The following KDM2B variants were observed in gnomAD, a reference collection of about 807,000 sequenced individuals.
KDM2B encodes lysine demethylase 2B, also known as lysine-specific demethylase 2B.
A neutral mutation model predicts 150.0 loss-of-function variants in KDM2B; 26 were observed. The observed-to-expected ratio is 0.17, with a 90% confidence interval of 0.13 to 0.24. KDM2B has a LOEUF of 0.24. Among genes scored for constraint, KDM2B ranks in the 10% least tolerant of loss-of-function variants. The pLI, the probability that KDM2B is intolerant of heterozygous loss-of-function variation, is 1.00. For synonymous variants in KDM2B, 734 were observed against 729.5 expected, an observed-to-expected ratio of 1.01 and a Z score of -0.10; for missense variants, 1,265 against 1,816.9, an observed-to-expected ratio of 0.70 and a Z score of 5.52.
chr12:121,423,607 C>T, the KDM2B span: 2 of 1,581,100 alleles, frequency 1.3e-6, no homozygotes, highest in Non-Finnish European at 8.7e-7. This position sits in a 1 kb window ranked among gnomAD's most constrained non-coding sequence, Gnocchi z 4.3. Context: ...ACAGTCACCC[C>T]CAAACTTGAC....
intron 4 of KDM2B, among the ~76,000 whole-genome samples, chr12:121,570,106 A>C (rs1555315693): frequency 1.3e-5 from 2 of 151,872 alleles, no homozygotes. Context: ...GCTGGAGTGC[A>C]ATGGCCAATC....
At chr12:121,450,691 C>G (rs1877102294) in intron 13 of KDM2B, among the ~76,000 whole-genome samples, 4 of 152,092 alleles carry the variant, frequency 2.6e-5, no homozygotes, top group African/African-American at 9.7e-5. Context: ...AACCCCGTCT[C>G]TACTAAAAAT....
chr12:121,550,783 C>T (rs556472563), intron 4 of KDM2B, among the ~76,000 whole-genome samples: 3 of 152,230 alleles, frequency 2.0e-5, no homozygotes, highest in African/African-American at 2.4e-5. Context: ...CATGAGCCAC[C>T]GCAACTGGCC....
chr12:121,433,165 T>C (rs1555285927), intron 22 of KDM2B: 1 of 456,622 alleles, frequency 2.2e-6, no homozygotes. Flanking sequence ...GTGGTTCACA[T>C]ATTCCCCAAA....
intron 22 of KDM2B, 146 bp downstream of exon 22, chr12:121,439,711 C>A: frequency 1.5e-6 from 1 of 663,806 alleles, no homozygotes; most frequent in Non-Finnish European, 2.7e-6. Flanking sequence ...GTGTTTCCCC[C>A]CTGGACTGGG....
At chr12:121,552,803 G>C (rs1350047650) in intron 4 of KDM2B, among the ~76,000 whole-genome samples, 2 of 152,160 alleles carry the variant, frequency 1.3e-5, no homozygotes, top group African/African-American at 4.8e-5. Flanking sequence ...ATCCACCAGG[G>C]GGCATCCCCG....
intron 4 of KDM2B, among the ~76,000 whole-genome samples, chr12:121,568,939 TAGAGA>T (rs1566429659): frequency 6.6e-6 from 1 of 150,780 alleles, no homozygotes; most frequent in Non-Finnish European, 1.5e-5. Context: ...TTTAGGACAT[TAGAGA>T]AGAGTCTGCA....
intron 12 of KDM2B, among the ~76,000 whole-genome samples, chr12:121,490,167 G>C (rs1555299660): frequency 6.6e-6 from 1 of 152,190 alleles, no homozygotes; most frequent in Non-Finnish European, 1.5e-5. Context: ...AAAGGGGAGA[G>C]AGACAAAGCA....
intron 8 of KDM2B, among the ~76,000 whole-genome samples, chr12:121,524,044 G>A (rs1380903405): frequency 6.6e-6 from 1 of 151,984 alleles, no homozygotes; most frequent in African/African-American, 2.4e-5. Flanking sequence ...TGTTATTGTC[G>A]CCATCCCCGT....
intron 8 of KDM2B, among the ~76,000 whole-genome samples, chr12:121,524,991 T>C (rs1887007373): frequency 1.3e-5 from 2 of 152,198 alleles, no homozygotes; most frequent in Non-Finnish European, 2.9e-5. Flanking sequence ...CACCCACATC[T>C]GCCTCCACCT....
In KDM2B at chr12:121,525,122, G is replaced by A. The variant is rs117857142; in HGVS notation, c.932-4022C>T. 1.8e-3 allele frequency among the ~76,000 whole-genome samples: 273 copies of A among 152,252 alleles called. 4 individuals are homozygous for A. The East Asian group carries it at 0.029, about 16-fold the overall frequency. ...CCGACATCAGTGAACTCCCTGCGCC[G>A]GGCCAGGATCAGGAACGAACCTGTG... On this transcript the variant is annotated intron_variant, in intron 8 of 22. Transcript: ENST00000377071.
intron 2 of KDM2B, among the ~76,000 whole-genome samples, chr12:121,577,388 G>A (rs1891569659): frequency 6.6e-6 from 1 of 152,156 alleles, no homozygotes. Context: ...GGGGAAGAAA[G>A]GAGAGGAATT....
intron 4 of KDM2B, among the ~76,000 whole-genome samples, chr12:121,556,741 A>G (rs1333617750): frequency 2.0e-5 from 3 of 151,820 alleles, no homozygotes; most frequent in African/African-American, 7.3e-5. Context: ...AACCCCAGCT[A>G]CTCAGGAGGC....
chr12:121,500,425 G>T (rs1303443614), intron 11 of KDM2B, among the ~76,000 whole-genome samples: 1 of 152,246 alleles, frequency 6.6e-6, no homozygotes, highest in African/African-American at 2.4e-5. Flanking sequence ...GATAACCACA[G>T]ACAAGGGATG....
In KDM2B at chr12:121,453,045, G is replaced by A. The variant is rs1877576034; in HGVS notation, c.1959+75C>T. On this transcript the variant is annotated intron_variant, in intron 13 of 22. Coordinates refer to ENST00000377071, the MANE Select transcript of KDM2B (RefSeq NM_032590.5). This position sits in a 1 kb window ranked among gnomAD's most constrained non-coding sequence, Gnocchi z 6.4. Reference sequence around the variant, plus strand: ...CTGTGTGCGGAGGGGCGGCCAGAGCGAGCAGCGGTCAGACACGCGGGCCGG... The same window carrying A: ...CTGTGTGCGGAGGGGCGGCCAGAGCAAGCAGCGGTCAGACACGCGGGCCGG... The A allele has an allele frequency of 1.5e-6, 2 of 1,295,944 alleles. No individual in the cohort carries two copies. The highest frequency in any genetic ancestry group is 1.5e-5 in the African/African-American group (1 of 67,700). 80.3% of individuals were successfully genotyped at this position (1,295,944 alleles called of 1,614,324 possible). A position where few individuals can be genotyped will look rare whatever the true frequency, so the allele number is the denominator to read the frequency against.
chr12:121,558,513 G>C (rs1353225048), intron 4 of KDM2B, among the ~76,000 whole-genome samples: 1 of 151,178 alleles, frequency 6.6e-6, no homozygotes, highest in Non-Finnish European at 1.5e-5. Context: ...GAGTACAGTG[G>C]TGCGATCTCG....
Position 121,468,379 on chromosome 12 carries a change from G to A in KDM2B, c.1735-15035C>T, listed in dbSNP as rs1365091381. The stretch of plus-strand genomic sequence containing the variant: ...CCTCTCTGAAAGAGCTCATGACCAT[G>A]AGCTAGAACGACCAAAGCTGTTATA... On this transcript the variant is annotated intron_variant, in intron 12 of 22. Coordinates refer to ENST00000377071, the MANE Select transcript of KDM2B (RefSeq NM_032590.5). This position sits in a 1 kb window ranked among gnomAD's most constrained non-coding sequence, Gnocchi z 4.0. 2 of 152,178 alleles carry A rather than the reference G, an allele frequency of 1.3e-5. No homozygotes were observed. Among genetic ancestry groups the A allele is most frequent in the African/African-American group, 4.8e-5 (2 of 41,448 alleles). The allele number at this position is 152,178 out of a possible 1,614,324, so 9.4% of individuals were successfully genotyped here.
In KDM2B at chr12:121,518,386, G is replaced by C. The variant is rs1886407438; in HGVS notation, c.1047+2599C>G. Among the ~76,000 whole-genome samples the C allele has an allele frequency of 1.3e-5, 2 of 151,826 alleles. No homozygotes were observed. The highest frequency in any genetic ancestry group is 2.9e-5 in the Non-Finnish European group (2 of 68,020). Reference sequence around the variant, plus strand: ...CCTCGTAGCCAAGTCCCTCTCTCAAGACCAGAAATCAAGGCAGATTAAACA... The same window carrying C: ...CCTCGTAGCCAAGTCCCTCTCTCAACACCAGAAATCAAGGCAGATTAAACA... On this transcript the variant is annotated intron_variant, in intron 9 of 22. Coordinates refer to ENST00000377071, the MANE Select transcript of KDM2B (RefSeq NM_032590.5). This position sits in a 1 kb window ranked among gnomAD's most constrained non-coding sequence, Gnocchi z 4.4.
chr12:121,529,470 A>G (rs1212933432), intron 8 of KDM2B, among the ~76,000 whole-genome samples: 2 of 152,114 alleles, frequency 1.3e-5, no homozygotes, highest in Non-Finnish European at 2.9e-5. Context: ...CTCTGCTTCA[A>G]TACAGAAAAA....
Sources: allele counts gnomAD v4.1 joint callset (sites outside exome capture counted in the v4.1 genomes callset), GRCh38; gene constraint gnomAD v4.1.1; non-coding constraint Gnocchi (gnomAD v3.1); transcripts MANE v1.5; gene names NCBI Gene and HGNC (gene_info 2026-07-23, HGNC 2026-07-21).